Variants in AQP7B observed in about 807,000 individuals in gnomAD.
AQP7B encodes the protein aquaporin 7B.
At chr2:94,603,524 C>T in the AQP7B span, 1 of 1,594,440 alleles carries the variant, frequency 6.3e-7, no homozygotes, top group East Asian at 2.2e-5. Flanking sequence ...GGATGAGTAC[C>T]CCTCCCCCTG....
the AQP7B span, chr2:94,594,599 G>T: frequency 5.7e-4 from 349 of 614,858 alleles, 1 homozygote; most frequent in East Asian, 8.8e-3. Flanking sequence ...TCCAATTCCA[G>T]CTGTCCCAGC....
chr2:94,598,464 C>T, the AQP7B span, among the ~76,000 whole-genome samples: 2 of 152,118 alleles, frequency 1.3e-5, no homozygotes, highest in Non-Finnish European at 2.9e-5. Flanking sequence ...GGAAAACCAG[C>T]CATACACGTG....
chr2:94,599,686 C>T, the AQP7B span, among the ~76,000 whole-genome samples: 2 of 151,994 alleles, frequency 1.3e-5, no homozygotes, highest in African/African-American at 4.8e-5. Context: ...TTTCTCTGTC[C>T]TTTATCTTCA....
the AQP7B span, among the ~76,000 whole-genome samples, chr2:94,592,537 C>T: frequency 6.6e-6 from 1 of 152,024 alleles, no homozygotes; most frequent in East Asian, 1.9e-4. Context: ...GCCTCCTCAG[C>T]CCTGAAGAAG....
the AQP7B span, among the ~76,000 whole-genome samples, chr2:94,595,216 C>T: frequency 6.6e-6 from 1 of 152,090 alleles, no homozygotes; most frequent in Non-Finnish European, 1.5e-5. Flanking sequence ...AGGTGGATCA[C>T]CTGAAGTCAG....
chr2:94,592,864 C>T, the AQP7B span, among the ~76,000 whole-genome samples: 7 of 141,360 alleles, frequency 5.0e-5, no homozygotes, highest in South Asian at 2.3e-4. Context: ...CGCTCTGTCA[C>T]CCACGCTGGA....
At chr2:94,604,328 CT>C in the AQP7B span, 2 of 1,610,486 alleles carry the variant, frequency 1.2e-6, no homozygotes, top group Non-Finnish European at 1.7e-6. Context: ...GGTGGCACCA[CT>C]TCTGGGTGCC....
chr2:94,603,786 AAC>A, the AQP7B span: 3 of 1,535,814 alleles, frequency 2.0e-6, no homozygotes, highest in Admixed American at 5.1e-5. Context: ...CACTGCCAGG[AAC>A]ACACGCGCTG....
chr2:94,587,646 T>G, the AQP7B span, among the ~76,000 whole-genome samples: 1 of 152,106 alleles, frequency 6.6e-6, no homozygotes, highest in South Asian at 2.1e-4. Context: ...GTAAGTTGGT[T>G]GTTGGGAGGA....
chr2:94,601,435 G>A, the AQP7B span, among the ~76,000 whole-genome samples: 9 of 152,318 alleles, frequency 5.9e-5, no homozygotes, highest in East Asian at 1.7e-3. Flanking sequence ...CCCCACAGAG[G>A]TGACGGGAAT....
chr2:94,599,715 G>A, the AQP7B span, among the ~76,000 whole-genome samples: 1 of 151,906 alleles, frequency 6.6e-6, no homozygotes, highest in Non-Finnish European at 1.5e-5. Context: ...CTCTCTCAGC[G>A]TATAAACATA....
chr2:94,595,785 T>A, the AQP7B span, among the ~76,000 whole-genome samples: 1 of 152,108 alleles, frequency 6.6e-6, no homozygotes, highest in African/African-American at 2.4e-5. Flanking sequence ...CGATGAGCTG[T>A]TCTGGAGCAC....
the AQP7B span, among the ~76,000 whole-genome samples, chr2:94,592,741 G>C: frequency 2.1e-5 from 3 of 143,266 alleles, no homozygotes; most frequent in East Asian, 4.4e-4. Context: ...TGCTTACTAT[G>C]TTCAGGCACT....
At chr2:94,602,645 G>A in the AQP7B span, 3 of 1,563,408 alleles carry the variant, frequency 1.9e-6, no homozygotes, top group Non-Finnish European at 2.6e-6. Flanking sequence ...ACCAGACTGG[G>A]CAAGACCAGG....
At chr2:94,603,587 C>G in the AQP7B span, 20 of 1,420,578 alleles carry the variant, frequency 1.4e-5, no homozygotes, top group Non-Finnish European at 1.9e-5. Flanking sequence ...ATAGACAGGA[C>G]AAGAACTCTG....
the AQP7B span, among the ~76,000 whole-genome samples, chr2:94,587,360 CT>C: frequency 6.6e-6 from 1 of 152,186 alleles, no homozygotes; most frequent in East Asian, 1.9e-4. Flanking sequence ...TGCGCTTTAA[CT>C]GAGAAGCCCC....
At chr2:94,602,644 G>A in the AQP7B span, 2 of 1,563,684 alleles carry the variant, frequency 1.3e-6, no homozygotes, top group Non-Finnish European at 8.8e-7. Context: ...TACCAGACTG[G>A]GCAAGACCAG....
At chr2:94,595,612 C>A in the AQP7B span, among the ~76,000 whole-genome samples, 1 of 151,968 alleles carries the variant, frequency 6.6e-6, no homozygotes, top group Non-Finnish European at 1.5e-5. Flanking sequence ...ATAAGCAGGA[C>A]AGGCAAGGCT....
chr2:94,603,970 T>C, the AQP7B span: 1 of 1,088,956 alleles, frequency 9.2e-7, no homozygotes, highest in Non-Finnish European at 1.4e-6. Context: ...AGTTTTTCTG[T>C]GGAGCTCCTG....
Sources: allele counts gnomAD v4.1 joint callset (sites outside exome capture counted in the v4.1 genomes callset), GRCh38; gene constraint gnomAD v4.1.1; transcripts MANE v1.5; gene names NCBI Gene and HGNC (gene_info 2026-07-23, HGNC 2026-07-21).